Variants in STAU2 observed in about 807,000 individuals in gnomAD.
STAU2 encodes double-stranded RNA-binding protein Staufen homolog 2.
STAU2 carries 20 observed loss-of-function variants against 65.9 expected under a neutral mutation model. The ratio of observed to expected loss-of-function variants is 0.30; its 90% confidence interval spans 0.21 to 0.44. The LOEUF (loss-of-function observed/expected upper bound fraction) is 0.44. STAU2 is among the 20% of genes least tolerant of loss of function. The pLI is 1.00. For missense variants in STAU2, 558 were observed against 683.9 expected (o/e 0.82, Z 2.05); for synonymous variants, 232 against 233.9 (o/e 0.99, Z 0.07).
At chr8:73,463,661 C>G (rs1410575998) in intron 13 of STAU2, among the ~76,000 whole-genome samples, 1 of 152,208 alleles carries the variant, frequency 6.6e-6, no homozygotes, top group Non-Finnish European at 1.5e-5. Flanking sequence ...AAAAAGAAAT[C>G]AAGGTATATG....
intron 11 of STAU2, among the ~76,000 whole-genome samples, chr8:73,587,897 A>C (rs1810487931): frequency 6.6e-6 from 1 of 152,186 alleles, no homozygotes; most frequent in South Asian, 2.1e-4. Context: ...TTAATCTTGT[A>C]TAAATTCTGC....
At chr8:73,679,151 T>C (rs975854756) in intron 5 of STAU2, among the ~76,000 whole-genome samples, 1 of 152,228 alleles carries the variant, frequency 6.6e-6, no homozygotes. Context: ...ACTAAAGTTA[T>C]AGTAATTCCA....
chr8:73,642,326 C>A (rs1815050084), intron 6 of STAU2, among the ~76,000 whole-genome samples: 1 of 152,086 alleles, frequency 6.6e-6, no homozygotes, highest in Non-Finnish European at 1.5e-5. Context: ...AGATCAAGAC[C>A]ATCCTGGCCA....
chr8:73,611,570 C>T lies in STAU2; in HGVS notation c.891+2174G>A, dbSNP rs902044806. Among the ~76,000 whole-genome samples the T allele has an allele frequency of 3.3e-5, 5 of 151,998 alleles. No homozygotes were observed. In the East Asian group the frequency reaches 7.7e-4, roughly 23 times the overall value. On this transcript the variant is annotated intron_variant, in intron 9 of 14. Transcript: ENST00000524300. ...GAATAACATTTAAATAATAATCTTG[C>T]TTTTAATAGCTATAGTTAAAACAAG...
chr8:73,455,745 T>C (rs1819027523), intron 13 of STAU2, among the ~76,000 whole-genome samples: 1 of 152,232 alleles, frequency 6.6e-6, no homozygotes. Flanking sequence ...TTTGCCCATA[T>C]ATCTGTTATA....
chr8:73,556,038 T>C (rs1312772978), intron 12 of STAU2, among the ~76,000 whole-genome samples: 1 of 152,254 alleles, frequency 6.6e-6, no homozygotes, highest in East Asian at 1.9e-4. Context: ...TTTAAAGATA[T>C]GTTTTTAATC....
At chr8:73,603,402 T>G (rs1811782687) in intron 10 of STAU2, among the ~76,000 whole-genome samples, 1 of 152,212 alleles carries the variant, frequency 6.6e-6, no homozygotes, top group Non-Finnish European at 1.5e-5. Context: ...TAATTCCATG[T>G]GTCTCCAATT....
intron 5 of STAU2, among the ~76,000 whole-genome samples, chr8:73,685,985 T>A (rs952565675): frequency 1.3e-5 from 2 of 152,178 alleles, no homozygotes; most frequent in Admixed American, 6.5e-5. Flanking sequence ...TAAAAAGGAA[T>A]GAAATAATGG....
At chr8:73,727,090 C>T (rs1487644505) in intron 3 of STAU2, among the ~76,000 whole-genome samples, 5 of 151,972 alleles carry the variant, frequency 3.3e-5, no homozygotes, top group Admixed American at 1.3e-4. Flanking sequence ...TTTAGCTGGG[C>T]GTGGCGGCAG....
rs183860252 is a variant in STAU2, at chr8:73,597,637, T to C, written c.1030-2340A>G. ...GTGAGCCGAGATCATGCTACTGCAC[T>C]CCAGCCTGGGCGATAGAGTGAGTCT... On this transcript the variant is annotated intron_variant, in intron 10 of 14. Transcript: ENST00000524300. Among the ~76,000 whole-genome samples, 14 of 117,730 alleles carry C rather than the reference T, an allele frequency of 1.2e-4. No individual in the cohort carries two copies. In the East Asian group the frequency reaches 3.9e-3, roughly 33 times the overall value. 77.2% of individuals were successfully genotyped at this position (117,730 alleles called of 152,430 possible).
At chr8:73,615,575 C>A in intron 8 of STAU2, 100 bp downstream of exon 8, 2 of 833,278 alleles carry the variant, frequency 2.4e-6, no homozygotes, top group Non-Finnish European at 4.0e-6. Context: ...TAGAAGCACA[C>A]TAACTCTTGC....
intron 6 of STAU2, among the ~76,000 whole-genome samples, chr8:73,632,879 A>T (rs896670503): frequency 6.6e-6 from 1 of 152,250 alleles, no homozygotes; most frequent in Non-Finnish European, 1.5e-5. Flanking sequence ...TAGAAAGGCC[A>T]GACTCCCCTG....
At chr8:73,479,300 G>A (rs983038549) in intron 13 of STAU2, among the ~76,000 whole-genome samples, 1 of 152,014 alleles carries the variant, frequency 6.6e-6, no homozygotes, top group Non-Finnish European at 1.5e-5. Flanking sequence ...TAATTTGTCT[G>A]AATTTTAGAT....
At chr8:73,664,801 G>C (rs1387985913) in intron 6 of STAU2, among the ~76,000 whole-genome samples, 3 of 152,080 alleles carry the variant, frequency 2.0e-5, no homozygotes, top group Non-Finnish European at 4.4e-5. Context: ...GACCAGCCTG[G>C]GCAACATGTT....
rs1554544009 is a variant in STAU2, at chr8:73,575,825, A to AAC, written c.1222+6944_1222+6945insGT. 2.1e-4 allele frequency among the ~76,000 whole-genome samples: 32 copies of AAC among 151,990 alleles called. 1 individual carries two copies. The highest frequency in any genetic ancestry group is 5.5e-4 in the African/African-American group (23 of 41,478). On this transcript the variant is annotated intron_variant, in intron 12 of 14. Transcript: ENST00000524300. ...AATTCTGGGACAATACACACACAAA[A>AAC]AACCACAAGTTACCTGCTTGAAGGT...
intron 12 of STAU2, among the ~76,000 whole-genome samples, chr8:73,564,359 C>A (rs1395043469): frequency 6.6e-6 from 1 of 152,108 alleles, no homozygotes; most frequent in Admixed American, 6.5e-5. Context: ...GAGCTGGAGG[C>A]CATTTTCCTT....
intron 13 of STAU2, among the ~76,000 whole-genome samples, chr8:73,510,339 GGATTACAGGCGT>G (rs1377960336): frequency 3.3e-5 from 5 of 151,912 alleles, no homozygotes; most frequent in Non-Finnish European, 7.4e-5. Flanking sequence ...CAAAGTGCTG[GGATTACAGGCGT>G]GAGCCACCGC....
chr8:73,633,432 T>C lies in STAU2; in HGVS notation c.411-15981A>G, dbSNP rs116791021. On this transcript the variant is annotated intron_variant, in intron 6 of 14. Transcript: ENST00000524300. ...CCAGCAAGGGCCAGGTTCTCAGCTA[T>C]GTGGGAGTAAAGCAATCAGGACTAG... is the stretch of plus-strand genomic sequence containing the variant. Among the ~76,000 whole-genome samples the C allele has an allele frequency of 4.1e-3, 631 of 152,204 alleles. 7 individuals are homozygous for C. Among genetic ancestry groups the C allele is most frequent in the African/African-American group, 0.015 (606 of 41,528 alleles).
chr8:73,464,096 G>C (rs1211282017), intron 13 of STAU2, among the ~76,000 whole-genome samples: 5 of 152,140 alleles, frequency 3.3e-5, no homozygotes, highest in Admixed American at 3.3e-4. Context: ...GCAATTTCTA[G>C]CTTTTGAATA....
Sources: gnomAD v4.1 joint callset for allele counts (sites outside exome capture counted in the v4.1 genomes callset) on GRCh38, gnomAD v4.1.1 for gene constraint, MANE v1.5 for transcripts, NCBI Gene and HGNC (gene_info 2026-07-23, HGNC 2026-07-21) for gene names.